FAT1: variants seen among roughly 807,000 people sequenced by gnomAD.
The protein encoded by FAT1 is protocadherin Fat 1.
A neutral mutation model predicts 329.8 loss-of-function variants in FAT1; 171 were observed. The observed-to-expected ratio is 0.52, with a 90% CI of 0.46 to 0.59. The LOEUF (loss-of-function observed/expected upper bound fraction) is 0.59, where lower values mean the gene tolerates loss of function less well. Among genes scored for constraint, FAT1 ranks in the 20% least tolerant of loss-of-function variants. FAT1 has a pLI of 0.00. For synonymous variants in FAT1, 2,233 were observed against 2,228.6 expected, an observed-to-expected ratio of 1.00 and a Z score of -0.06; for missense variants, 5,672 against 5,774.4, an observed-to-expected ratio of 0.98 and a Z score of 0.57.
intron 2 of FAT1, among the ~76,000 whole-genome samples, chr4:186,670,503 A>G (rs1023973539): frequency 6.6e-6 from 1 of 152,218 alleles, no homozygotes; most frequent in African/African-American, 2.4e-5. Flanking sequence ...AAGAAGAGAC[A>G]TACCATCAAC....
At position 186,709,081 on chromosome 4, in the gene FAT1, C is replaced by A. The variant is rs746209115; in HGVS notation, c.747G>T (p.Gln249His). 1.1e-5 allele frequency: 17 copies of A among 1,613,772 alleles called. No homozygotes were observed. In the African/African-American group the frequency reaches 1.3e-4, roughly 13 times the overall value. The part of the protein sequence containing the change: ...SMAKLTVHIE[Q>H]ANECAPVITA... ...TTATCACCGGAGCACATTCATTGGC[C>A]TGTTCGATGTGCACCGTTAGCTTGG... The change falls in exon 2 of 27, where the codon CAG becomes CAT. Residue 249 changes from glutamine to histidine, a missense_variant. This residue lies in a region of FAT1 where 3,966 missense variants were observed against 3,915.2 expected (regional missense o/e 1.01). Coordinates refer to ENST00000441802, the MANE Select transcript of FAT1 (RefSeq NM_005245.4).
At chr4:186,705,967 A>G (rs951149866) in intron 2 of FAT1, among the ~76,000 whole-genome samples, 1 of 152,196 alleles carries the variant, frequency 6.6e-6, no homozygotes, top group Non-Finnish European at 1.5e-5. Context: ...AGGATCACCA[A>G]TTACCAACTA....
At chr4:186,700,069 T>C (rs1406473540) in intron 2 of FAT1, among the ~76,000 whole-genome samples, 1 of 152,076 alleles carries the variant, frequency 6.6e-6, no homozygotes, top group Non-Finnish European at 1.5e-5. Context: ...TCTTGCCCCG[T>C]ACTAGATGGC....
At chr4:186,617,566 GTTATTTCTACGTA>G in intron 10 of FAT1, 129 bp downstream of exon 10, 1 of 712,266 alleles carries the variant, frequency 1.4e-6, no homozygotes, top group Non-Finnish European at 2.2e-6. Flanking sequence ...CTCAACAGAT[GTTATTTCTACGTA>G]TTATTTTAGA....
At chr4:186,646,871 A>G (rs1579382628) in intron 3 of FAT1, among the ~76,000 whole-genome samples, 1 of 152,190 alleles carries the variant, frequency 6.6e-6, no homozygotes, top group Admixed American at 6.5e-5. Context: ...CTGGTGTACT[A>G]CTTCACCTGA....
chr4:186,663,311 G>A lies in FAT1; in HGVS notation c.3568C>T (p.His1190Tyr), dbSNP rs1742267480. 1 of 1,612,222 alleles carries A rather than the reference G, an allele frequency of 6.2e-7. No individual in the cohort carries two copies. Among genetic ancestry groups the A allele is most frequent in the Non-Finnish European group, 8.5e-7 (1 of 1,178,716 alleles). The change falls in exon 3 of 27, where the codon CAT becomes TAT. Residue 1190 changes from histidine (H) to tyrosine (Y), a missense_variant. His to Tyr is a moderately conservative substitution (Grantham distance 83). This residue lies in a region of FAT1 where 3,966 missense variants were observed against 3,915.2 expected (regional missense o/e 1.01). Coordinates refer to ENST00000441802, the MANE Select transcript of FAT1 (RefSeq NM_005245.4). Reference sequence around the variant, plus strand: ...TATTAACACATACCTGTTTTAGGATGTATTGAAAAGAATCCTTGTGGATTT... The same window carrying A: ...TATTAACACATACCTGTTTTAGGATATATTGAAAAGAATCCTTGTGGATTT... The part of the protein sequence containing the change: ...SGNPQGFFSI[H>Y]PKTGLITTTS...
intron 9 of FAT1, among the ~76,000 whole-genome samples, chr4:186,625,587 C>T (rs1396953375): frequency 1.3e-5 from 2 of 152,182 alleles, no homozygotes; most frequent in Admixed American, 1.3e-4. Flanking sequence ...TGTAGAGCTA[C>T]AGACTTAAAA....
rs937493935 is a variant in FAT1 at position 186,594,734 on chromosome 4, C to T, written c.13138+955G>A. ...CAGAAATGATAGCACATACTTATAG[C>T]TATCTTTAGTTTGAAAAATGACTGC... On this transcript the variant is annotated intron_variant, in intron 26 of 26. Coordinates refer to ENST00000441802, the MANE Select transcript of FAT1 (RefSeq NM_005245.4). 2.1e-5 allele frequency among the ~76,000 whole-genome samples: 3 copies of T among 140,742 alleles called. No individual in the cohort carries two copies. The East Asian group carries it at 6.3e-4, about 30-fold the overall frequency. The allele number at this position is 140,742 out of a possible 152,430, so 92.3% of individuals were successfully genotyped here.
In FAT1 at chr4:186,601,433, A is replaced by C. The variant is rs377735296; in HGVS notation, c.11483-7T>G. ...AGTGTCATAGATGAACTCCCTGTGAATCACACAGAGGAAAAAATAAACCAG... is the reference window on the plus strand; with the variant it reads ...AGTGTCATAGATGAACTCCCTGTGACTCACACAGAGGAAAAAATAAACCAG... On this transcript the variant is annotated splice_polypyrimidine_tract_variant and splice_region_variant and intron_variant, in intron 20 of 26. Coordinates refer to ENST00000441802, the MANE Select transcript of FAT1 (RefSeq NM_005245.4). 43 of 1,602,586 alleles carry C rather than the reference A, an allele frequency of 2.7e-5. No individual in the cohort carries two copies. In the African/African-American group the frequency reaches 5.5e-4, roughly 20 times the overall value.
intron 22 of FAT1, among the ~76,000 whole-genome samples, chr4:186,599,299 T>C (rs1738679543): frequency 6.6e-6 from 1 of 152,208 alleles, no homozygotes; most frequent in Non-Finnish European, 1.5e-5. Flanking sequence ...CTCTGTTCAT[T>C]ATACCAAGCT....
At chr4:186,646,649 T>C (rs948807820) in intron 3 of FAT1, among the ~76,000 whole-genome samples, 10 of 152,154 alleles carry the variant, frequency 6.6e-5, no homozygotes, top group African/African-American at 2.4e-4. Flanking sequence ...CAAAATCCTT[T>C]TCTGTGGTTA....
chr4:186,670,845 C>T, intron 2 of FAT1, among the ~76,000 whole-genome samples: 1 of 152,108 alleles, frequency 6.6e-6, no homozygotes, highest in East Asian at 1.9e-4. Flanking sequence ...AACTAAATGT[C>T]ATGTGGGAGC....
rs749128993 is a variant in FAT1 at position 186,707,810 on chromosome 4, T to C, written c.2018A>G (p.Gln673Arg). The change falls in exon 2 of 27, where the codon CAG (glutamine) becomes CGG (arginine). Residue 673 changes from glutamine to arginine, a missense_variant. Physicochemically the swap from Gln to Arg is conservative, Grantham distance 43. Transcript: ENST00000441802. ...VAASHKLVNL[Q>R]CEETGVAKML... ...TTTGGCAACACCAGTCTCTTCACAC[T>C]GCAAGTTTACCAGCTTGTGACTGGC... 5.6e-6 allele frequency: 9 copies of C among 1,613,638 alleles called. No individual in the cohort carries two copies. The highest frequency in any genetic ancestry group is 7.6e-6 in the Non-Finnish European group (9 of 1,179,906).
chr4:186,690,800 A>G (rs1743722124), intron 2 of FAT1, among the ~76,000 whole-genome samples: 2 of 152,208 alleles, frequency 1.3e-5, no homozygotes, highest in African/African-American at 4.8e-5. Context: ...GGGCTAGTCG[A>G]AACTGAAATT....
intron 26 of FAT1, among the ~76,000 whole-genome samples, chr4:186,589,653 C>A (rs546040554): frequency 6.6e-6 from 1 of 152,252 alleles, no homozygotes; most frequent in African/African-American, 2.4e-5. Context: ...ATCTGCACTA[C>A]TTCTCATTAA....
Position 186,606,127 on chromosome 4 carries a change from G to A in FAT1, c.10293C>T (p.Ser3431=), listed in dbSNP as rs777165138. 29 of 1,613,080 alleles carry A rather than the reference G, an allele frequency of 1.8e-5. No homozygotes were observed. Among genetic ancestry groups the A allele is most frequent in the Middle Eastern group, 1.7e-4 (1 of 6,000 alleles). Reference sequence around the variant, plus strand: ...AGACGGGCGCGTTGTCATTGACATCGGACACATCGATGTTCACGGTCGTCG... The same window carrying A: ...AGACGGGCGCGTTGTCATTGACATCAGACACATCGATGTTCACGGTCGTCG... ...VNTTTVNIDV[S]DVNDNAPVFS... The change falls in exon 17 of 27, where the codon TCC becomes TCT. Residue 3431 remains serine (S), a synonymous_variant. Coordinates refer to ENST00000441802, the MANE Select transcript of FAT1 (RefSeq NM_005245.4).
intron 3 of FAT1, among the ~76,000 whole-genome samples, chr4:186,651,372 T>A (rs933149930): frequency 6.6e-6 from 1 of 152,082 alleles, no homozygotes; most frequent in Non-Finnish European, 1.5e-5. Context: ...TCCTGAGAGC[T>A]GTACAATGGG....
rs1043142667 is a variant in FAT1 at position 186,620,578 on chromosome 4, G to C, written c.6008C>G (p.Ala2003Gly). The C allele has an allele frequency of 1.1e-5, 17 of 1,613,908 alleles. No homozygotes were observed. Among genetic ancestry groups the C allele is most frequent in the Non-Finnish European group, 1.4e-5 (17 of 1,179,902 alleles). ...AGGCTCATTGATTGGATTCCCAATA[G>C]CAGTAATGACAGCTAATGTTTCGGC... is the stretch of plus-strand genomic sequence containing the variant. ...TEAETLAVIT[A>G]IGNPINEPLF... The change falls in exon 10 of 27, where the codon GCT becomes GGT. Residue 2003 changes from alanine (A) to glycine (G), a missense_variant. Physicochemically the swap from Ala to Gly is moderately conservative, Grantham distance 60. Transcript: ENST00000441802.
chr4:186,713,174 C>T (rs116300629), intron 1 of FAT1, among the ~76,000 whole-genome samples: 10 of 152,088 alleles, frequency 6.6e-5, no homozygotes, highest in Non-Finnish European at 1.3e-4. Context: ...AAGGCCTTCT[C>T]TCCATCCTAG....
Sources: allele counts gnomAD v4.1 joint callset (sites outside exome capture counted in the v4.1 genomes callset), GRCh38; gene constraint gnomAD v4.1.1; regional missense constraint gnomAD v4.1.1; transcripts MANE v1.5; gene names NCBI Gene and HGNC (gene_info 2026-07-23, HGNC 2026-07-21).